Variants in ACAP2 observed in about 807,000 individuals in gnomAD.
ACAP2 encodes the protein arf-GAP with coiled-coil, ANK repeat and PH domain-containing protein 2.
A neutral mutation model predicts 115.8 loss-of-function variants in ACAP2; 39 were observed. The observed-to-expected ratio is 0.34, with a 90% CI of 0.26 to 0.44. The LOEUF is 0.44. ACAP2 is among the 20% of genes least tolerant of loss of function. The pLI is 1.00. For synonymous variants in ACAP2, 289 were observed against 315.8 expected (o/e 0.92, Z 0.90); for missense variants, 662 against 927.6 (o/e 0.71, Z 3.72).
At chr3:195,329,360 C>T (rs1730024388) in intron 8 of ACAP2, among the ~76,000 whole-genome samples, 1 of 152,066 alleles carries the variant, frequency 6.6e-6, no homozygotes, top group Admixed American at 6.6e-5. Context: ...TAATAGGTTC[C>T]TATAACTAAG....
intron 4 of ACAP2, among the ~76,000 whole-genome samples, chr3:195,370,383 C>A (rs1020470894): frequency 3.9e-5 from 6 of 152,116 alleles, no homozygotes; most frequent in Admixed American, 1.3e-4. Context: ...GGGTTTTACA[C>A]TCGAGTCTTT....
In ACAP2 at chr3:195,345,312, C is replaced by T. The variant is rs1189457661; in HGVS notation, c.291G>A (p.Leu97=). Residue 97 remains leucine (L), a synonymous_variant, in exon 5 of 23, where the codon CTG becomes CTA. Transcript: ENST00000326793. The part of the protein sequence containing the change: ...LQEMINFHTI[L]FDQTQRSIKA... Reference sequence around the variant, plus strand: ...TAATTGATCTCTGAGTTTGGTCAAACAGGATCTAAAAAATAAAATGTAATA... The same window carrying T: ...TAATTGATCTCTGAGTTTGGTCAAATAGGATCTAAAAAATAAAATGTAATA... 1 of 1,603,340 alleles carries T rather than the reference C, an allele frequency of 6.2e-7. No homozygotes were observed.
At chr3:195,359,737 G>A (rs1010591435) in intron 4 of ACAP2, among the ~76,000 whole-genome samples, 1 of 152,216 alleles carries the variant, frequency 6.6e-6, no homozygotes, top group African/African-American at 2.4e-5. Context: ...AAAGTGCTGG[G>A]ATTACAGGCG....
intron 10 of ACAP2, among the ~76,000 whole-genome samples, chr3:195,310,089 A>G (rs78583129): frequency 0.022 from 3,289 of 151,212 alleles, 117 homozygotes; most frequent in East Asian, 0.1. Context: ...CTACCTTTTC[A>G]TTGATACTAA....
At chr3:195,334,811 T>C (rs186370106) in intron 7 of ACAP2, among the ~76,000 whole-genome samples, 17 of 152,294 alleles carry the variant, frequency 1.1e-4, no homozygotes, top group Admixed American at 4.6e-4. Flanking sequence ...CCTTAATCCT[T>C]TGACTATGTA....
chr3:195,378,363 GTC>G (rs1733710643), intron 4 of ACAP2, among the ~76,000 whole-genome samples: 1 of 151,932 alleles, frequency 6.6e-6, no homozygotes, highest in Non-Finnish European at 1.5e-5. Flanking sequence ...GTGGTGGCAC[GTC>G]CCTATAGTCC....
At chr3:195,427,727 T>C (rs992930822) in intron 1 of ACAP2, among the ~76,000 whole-genome samples, 5 of 152,030 alleles carry the variant, frequency 3.3e-5, no homozygotes, top group South Asian at 2.1e-4. Flanking sequence ...CTGGGCAACA[T>C]GGCAAAACCT....
At chr3:195,393,468 A>G (rs1711511129) in intron 1 of ACAP2, among the ~76,000 whole-genome samples, 1 of 152,262 alleles carries the variant, frequency 6.6e-6, no homozygotes, top group Non-Finnish European at 1.5e-5. Context: ...TGAATTATTC[A>G]GTAAAGAAAT....
intron 4 of ACAP2, among the ~76,000 whole-genome samples, chr3:195,375,767 G>C (rs1733487343): frequency 6.6e-6 from 1 of 152,162 alleles, no homozygotes; most frequent in Non-Finnish European, 1.5e-5. Flanking sequence ...AGTGAGTTAT[G>C]ATCATGCTAC....
At position 195,277,149 on chromosome 3, in the gene ACAP2, A is replaced by G. The variant is rs13325136; in HGVS notation, c.*2179T>C. 39 of 152,344 alleles carry G rather than the reference A, an allele frequency of 2.6e-4. No homozygotes were observed. The highest frequency in any genetic ancestry group is 8.7e-4 in the African/African-American group (36 of 41,576). The allele number at this position is 152,344 out of a possible 1,614,324, so 9.4% of individuals were successfully genotyped here. On this transcript the variant is annotated 3_prime_UTR_variant, in exon 23 of 23. Coordinates refer to ENST00000326793, the MANE Select transcript of ACAP2 (RefSeq NM_012287.6). ...CACCAATGGCCAGATCCAAAAGGAA[A>G]ACTACCTAGACTTCCTCAGATAAAA... is the stretch of plus-strand genomic sequence containing the variant.
chr3:195,391,224 CTTTCT>C (rs1222159626), intron 2 of ACAP2, among the ~76,000 whole-genome samples: 7 of 88,560 alleles, frequency 7.9e-5, no homozygotes, highest in East Asian at 6.0e-4. Flanking sequence ...AAAAGCTTCT[CTTTCT>C]TTTTTTTTTT....
At chr3:195,315,374 G>A (rs746710105) in intron 10 of ACAP2, among the ~76,000 whole-genome samples, 2 of 152,162 alleles carry the variant, frequency 1.3e-5, no homozygotes, top group African/African-American at 4.8e-5. Context: ...TTTGGCAAAC[G>A]TTCTTCAATA....
intron 4 of ACAP2, among the ~76,000 whole-genome samples, chr3:195,377,106 T>C (rs899883395): frequency 6.7e-6 from 1 of 149,732 alleles, no homozygotes; most frequent in African/African-American, 2.5e-5. Context: ...ATCTAGTAAA[T>C]CCCCTTCATT....
intron 1 of ACAP2, among the ~76,000 whole-genome samples, chr3:195,418,538 C>T (rs1427987577): frequency 6.6e-6 from 1 of 152,178 alleles, no homozygotes; most frequent in Non-Finnish European, 1.5e-5. Context: ...AATTCTCCAA[C>T]CTCATGCTTC....
At chr3:195,342,016 T>C (rs1355010702) in intron 6 of ACAP2, among the ~76,000 whole-genome samples, 2 of 151,964 alleles carry the variant, frequency 1.3e-5, no homozygotes, top group East Asian at 3.9e-4. Context: ...AGGGAGGTGA[T>C]GGATGAAAAA....
At chr3:195,441,718 G>A (rs994141501) in intron 1 of ACAP2, 1 of 152,210 alleles carries the variant, frequency 6.6e-6, no homozygotes, top group South Asian at 2.1e-4. Flanking sequence ...TCTAACGGAA[G>A]TGTTAAGGCC....
At chr3:195,442,720 G>A in intron 1 of ACAP2, 75 bp downstream of exon 1, 2 of 1,463,146 alleles carry the variant, frequency 1.4e-6, no homozygotes, top group South Asian at 1.3e-5. Flanking sequence ...TCCTCCGGGT[G>A]CGCGGGCCCG....
chr3:195,325,180 T>C (rs991456385), intron 9 of ACAP2, among the ~76,000 whole-genome samples: 1 of 152,162 alleles, frequency 6.6e-6, no homozygotes, highest in African/African-American at 2.4e-5. Context: ...GTATAATATT[T>C]TGAAAAACAA....
rs528979469 is a variant in ACAP2, at chr3:195,291,316, A to G, written c.2063+390T>C. Among the ~76,000 whole-genome samples the G allele has an allele frequency of 1.2e-4, 19 of 152,376 alleles. No homozygotes were observed. In the East Asian group the frequency reaches 3.7e-3, roughly 29 times the overall value. Reference sequence around the variant, plus strand: ...CCCTGTGGAAAAAACTAAAAATTACAAAGTCATCAAATTATCTTTAAATAG... The same window carrying G: ...CCCTGTGGAAAAAACTAAAAATTACGAAGTCATCAAATTATCTTTAAATAG... On this transcript the variant is annotated intron_variant, in intron 20 of 22. Coordinates refer to ENST00000326793, the MANE Select transcript of ACAP2 (RefSeq NM_012287.6).
Sources: gnomAD v4.1 joint callset for allele counts (sites outside exome capture counted in the v4.1 genomes callset) on GRCh38, gnomAD v4.1.1 for gene constraint, MANE v1.5 for transcripts, NCBI Gene and HGNC (gene_info 2026-07-23, HGNC 2026-07-21) for gene names.